Variants in PARP8 observed in about 807,000 individuals in gnomAD.
The protein encoded by PARP8 is poly(ADP-ribose) polymerase family member 8.
A neutral mutation model predicts 124.1 loss-of-function variants in PARP8; 51 were observed. The ratio of observed to expected loss-of-function variants is 0.41; its 90% CI spans 0.33 to 0.52. The LOEUF (loss-of-function observed/expected upper bound fraction) is 0.52, where lower values mean the gene tolerates loss of function less well. Ranked by LOEUF, PARP8 falls within the 20% of genes least tolerant of loss-of-function variation. PARP8 has a pLI of 0.21. For missense variants in PARP8, 860 were observed against 1,018.9 expected (o/e 0.84, Z 2.12); for synonymous variants, 391 against 361.5 (o/e 1.08, Z -0.93).
chr5:50,683,795 C>T (rs1337891868), intron 2 of PARP8, among the ~76,000 whole-genome samples: 4 of 152,102 alleles, frequency 2.6e-5, no homozygotes, highest in African/African-American at 4.8e-5. Context: ...TTACCTTCTC[C>T]GTTAAAATAT....
chr5:50,762,334 A>G (rs1292123320), intron 6 of PARP8, among the ~76,000 whole-genome samples: 1 of 152,094 alleles, frequency 6.6e-6, no homozygotes, highest in African/African-American at 2.4e-5. Context: ...ATTTGTATTC[A>G]CTGCCATTGA....
chr5:50,823,862 T>A (rs193045762), intron 17 of PARP8, among the ~76,000 whole-genome samples: 1 of 152,336 alleles, frequency 6.6e-6, no homozygotes, highest in Admixed American at 6.5e-5. Context: ...TCAATGAATG[T>A]GACCTGTGAC....
At chr5:50,735,555 A>G (rs1757385591) in intron 2 of PARP8, among the ~76,000 whole-genome samples, 2 of 152,160 alleles carry the variant, frequency 1.3e-5, no homozygotes, top group South Asian at 4.1e-4. Context: ...ACTTCAGTTA[A>G]TTGGATTCAG....
chr5:50,791,165 AT>A (rs1369762015), intron 10 of PARP8, among the ~76,000 whole-genome samples: 3 of 152,116 alleles, frequency 2.0e-5, no homozygotes, highest in East Asian at 1.9e-4. Flanking sequence ...TCACAGGAAA[AT>A]TTTTTTCTGG....
intron 4 of PARP8, 113 bp from the exon 5 acceptor site, chr5:50,760,179 T>C: frequency 2.1e-6 from 2 of 950,010 alleles, no homozygotes; most frequent in Non-Finnish European, 2.9e-6. Flanking sequence ...CCTTAATTCT[T>C]TTTCAGAGGA....
At chr5:50,712,862 T>C (rs1249986851) in intron 2 of PARP8, among the ~76,000 whole-genome samples, 1 of 151,958 alleles carries the variant, frequency 6.6e-6, no homozygotes, top group Non-Finnish European at 1.5e-5. Context: ...TTAAGTTTTG[T>C]TGCTAACATT....
intron 22 of PARP8, among the ~76,000 whole-genome samples, chr5:50,830,820 G>A (rs1441035564): frequency 2.9e-5 from 1 of 34,630 alleles, no homozygotes; most frequent in African/African-American, 4.0e-4. Flanking sequence ...GTGCTCATGC[G>A]TGTGTGTGTG....
intron 2 of PARP8, among the ~76,000 whole-genome samples, chr5:50,681,270 G>A (rs1404510146): frequency 6.6e-6 from 1 of 152,008 alleles, no homozygotes; most frequent in Admixed American, 6.6e-5. Flanking sequence ...ATTGATATTT[G>A]TTCTCCCAGT....
intron 3 of PARP8, among the ~76,000 whole-genome samples, chr5:50,756,572 G>A (rs982532902): frequency 6.6e-6 from 1 of 152,078 alleles, no homozygotes; most frequent in African/African-American, 2.4e-5. Context: ...CTGTGGCTTA[G>A]GCTAAAGGAG....
At chr5:50,696,643 A>G (rs561941663) in intron 2 of PARP8, among the ~76,000 whole-genome samples, 1 of 152,116 alleles carries the variant, frequency 6.6e-6, no homozygotes, top group East Asian at 1.9e-4. Context: ...TCTATTTTGC[A>G]TCTTCATTTT....
At position 50,700,917 on chromosome 5, in the gene PARP8, C is replaced by T. The variant is rs561536279; in HGVS notation, c.146+32792C>T. On this transcript the variant is annotated intron_variant, in intron 2 of 25. Transcript: ENST00000281631. ...TTGAAGTAGTTAATAGATAATCCTC[C>T]AAGCAGCACTCCAGATCCATCTGAG... Among the ~76,000 whole-genome samples the T allele has an allele frequency of 1.1e-4, 17 of 152,148 alleles. No individual in the cohort carries two copies. In the South Asian group the frequency reaches 3.5e-3, roughly 32 times the overall value.
rs745509909 is a variant in PARP8, at chr5:50,797,000, A to T, written c.1447A>T (p.Ile483Phe). ...TTTATAGCCAAATGGTGCAAAATGC[A>T]TTCCAGTACGAGACCGTGGCTTCCT... ...SQLAPNGAKC[I>F]PVRDRGFLVQ... The change falls in exon 13 of 26, where the codon ATT becomes TTT. Residue 483 changes from isoleucine (I) to phenylalanine (F), a missense_variant. By Grantham distance (21) the Ile-to-Phe change is conservative. Transcript: ENST00000281631. 7 of 1,611,580 alleles carry T rather than the reference A, an allele frequency of 4.3e-6. No individual in the cohort carries two copies. The East Asian group carries it at 1.6e-4, about 36-fold the overall frequency.
chr5:50,796,748 C>G (rs1742595415), intron 12 of PARP8, among the ~76,000 whole-genome samples: 1 of 152,110 alleles, frequency 6.6e-6, no homozygotes. Context: ...AGATCAGCAG[C>G]TAAGAGTGCT....
chr5:50,709,556 A>G (rs940192683), intron 2 of PARP8, among the ~76,000 whole-genome samples: 2 of 151,736 alleles, frequency 1.3e-5, no homozygotes, highest in Non-Finnish European at 2.9e-5. Context: ...TCAACTGTCT[A>G]TTCACATTTA....
intron 2 of PARP8, chr5:50,744,868 A>G (rs989475679): frequency 5.9e-6 from 4 of 675,412 alleles, no homozygotes; most frequent in Admixed American, 4.7e-5. Flanking sequence ...CTTCTTGACA[A>G]TATTTTCTGC....
chr5:50,802,100 T>TTCTG (rs1743292717), intron 14 of PARP8, among the ~76,000 whole-genome samples: 1 of 152,226 alleles, frequency 6.6e-6, no homozygotes, highest in South Asian at 2.1e-4. Context: ...AAGGAAAGAC[T>TTCTG]TCTGCTATTT....
Position 50,666,703 on chromosome 5 carries a change from C to CAT in PARP8, c.-393_-392insAT, listed in dbSNP as rs550473029. The CAT allele has an allele frequency of 0.031, 6,980 of 225,980 alleles. 134 individuals carry two copies. Among genetic ancestry groups the CAT allele is most frequent in the South Asian group, 0.054 (481 of 8,946 alleles). The allele number at this position is 225,980 out of a possible 1,614,324, so 14.0% of individuals were successfully genotyped here. On this transcript the variant is annotated 5_prime_UTR_variant, in exon 1 of 26. Coordinates refer to ENST00000281631, the MANE Select transcript of PARP8 (RefSeq NM_024615.4). ...GAGCCGGAGCGGGGCTCGCCCCTCG[C>CAT]CGGCGCCCGCCGCCCAGCCGGTGAT...
At position 50,760,164 on chromosome 5, in the gene PARP8, A is replaced by T. The variant is rs1760402167; in HGVS notation, c.275-128A>T. 1.3e-5 allele frequency: 11 copies of T among 860,186 alleles called. No homozygotes were observed. In the East Asian group the frequency reaches 3.7e-4, roughly 29 times the overall value. 53.3% of individuals were successfully genotyped at this position (860,186 alleles called of 1,614,324 possible). ...CTCCTCAACATGACATGATTTCAAAATATCCCTTAATTCTTTTTCAGAGGA... is the reference window on the plus strand; with the variant it reads ...CTCCTCAACATGACATGATTTCAAATTATCCCTTAATTCTTTTTCAGAGGA... On this transcript the variant is annotated intron_variant, in intron 4 of 25. Transcript: ENST00000281631.
In PARP8 at chr5:50,778,114, T is replaced by C. The variant is rs1740241833; in HGVS notation, c.564T>C (p.Asp188=). 3.7e-6 allele frequency: 6 copies of C among 1,607,282 alleles called. No individual in the cohort carries two copies. The highest frequency in any genetic ancestry group is 5.1e-6 in the Non-Finnish European group (6 of 1,177,118). ...ATGTAGATATTGATCTGCATATCGA[T>C]GTTAGCTTTCTTGATGTAAGTATCA... ...IDDVDIDLHI[D]VSFLDEEIAV... Residue 188 remains aspartate (D), a synonymous_variant, in exon 8 of 26, where the codon GAT becomes GAC. Transcript: ENST00000281631.
Sources: gnomAD v4.1 joint callset for allele counts (sites outside exome capture counted in the v4.1 genomes callset) on GRCh38, gnomAD v4.1.1 for gene constraint, MANE v1.5 for transcripts, NCBI Gene and HGNC (gene_info 2026-07-23, HGNC 2026-07-21) for gene names.